GRAMD2B: variants seen among roughly 807,000 people sequenced by gnomAD.
The protein encoded by GRAMD2B is GRAM domain containing 2B.
A neutral mutation model predicts 59.2 loss-of-function variants in GRAMD2B; 41 were observed. That is an observed-to-expected ratio of 0.69 (90% confidence interval 0.54 to 0.90). The LOEUF is 0.90. GRAMD2B is among the 40% of genes least tolerant of loss of function. The pLI, the probability that GRAMD2B is intolerant of heterozygous loss-of-function variation, is 0.00. For synonymous variants in GRAMD2B, 161 were observed against 182.7 expected (o/e 0.88, Z 0.96); for missense variants, 424 against 500.5 (o/e 0.85, Z 1.46).
intron 1 of GRAMD2B, among the ~76,000 whole-genome samples, chr5:126,461,938 A>AAGTGGGTTGGAGATGGG (rs1767445966): frequency 6.6e-6 from 1 of 152,258 alleles, no homozygotes; most frequent in African/African-American, 2.4e-5. Flanking sequence ...CTGATGCTTA[A>AAGTGGGTTGGAGATGGG]AGTGGGTTGG....
intron 1 of GRAMD2B, among the ~76,000 whole-genome samples, chr5:126,377,202 C>T (rs996560147): frequency 2.7e-5 from 4 of 149,888 alleles, no homozygotes; most frequent in African/African-American, 9.9e-5. Flanking sequence ...TCAAGATGCA[C>T]CTGGAAGGTC....
At chr5:126,479,753 C>T (rs926297617) in intron 6 of GRAMD2B, among the ~76,000 whole-genome samples, 27 of 152,152 alleles carry the variant, frequency 1.8e-4, no homozygotes, top group Admixed American at 8.5e-4. Flanking sequence ...TAATCACAAA[C>T]TCATGGAAAG....
chr5:126,469,127 A>G (rs552831324), intron 2 of GRAMD2B, among the ~76,000 whole-genome samples: 1 of 152,260 alleles, frequency 6.6e-6, no homozygotes, highest in African/African-American at 2.4e-5. Context: ...TGATGTAATT[A>G]TTTTCACAAC....
rs550806617 is a variant in GRAMD2B at position 126,465,237 on chromosome 5, C to A, written c.84-189C>A. The A allele has an allele frequency of 3.9e-5, 56 of 1,433,288 alleles. No homozygotes were observed. In the East Asian group the frequency reaches 1.2e-3, roughly 31 times the overall value. The allele number at this position is 1,433,288 out of a possible 1,614,324, so 88.8% of individuals were successfully genotyped here. ...GTGAAACAGGTGCGACCTGCAGCTA[C>A]TGCCGTTGGGACACCAGGCAAGGGG... On this transcript the variant is annotated intron_variant, in intron 1 of 13. Transcript: ENST00000285689.
At chr5:126,452,335 C>T (rs1260357071) in intron 1 of GRAMD2B, among the ~76,000 whole-genome samples, 1 of 152,104 alleles carries the variant, frequency 6.6e-6, no homozygotes, top group Non-Finnish European at 1.5e-5. Context: ...ATAATCTAAT[C>T]ACCTCCCAAA....
chr5:126,427,736 G>C (rs1760860093), intron 1 of GRAMD2B, among the ~76,000 whole-genome samples: 1 of 152,186 alleles, frequency 6.6e-6, no homozygotes, highest in South Asian at 2.1e-4. Context: ...GCATGTTGGA[G>C]TACTTGACAA....
At chr5:126,422,933 C>A (rs933621997), upstream of GRAMD2B, among the ~76,000 whole-genome samples, 1 of 143,026 alleles carries the variant, frequency 7.0e-6, no homozygotes, top group African/African-American at 2.7e-5. Flanking sequence ...CACCCCAGAA[C>A]GATGAAGGGT....
chr5:126,489,250 A>G (rs931664339), intron 13 of GRAMD2B, among the ~76,000 whole-genome samples: 1 of 152,244 alleles, frequency 6.6e-6, no homozygotes, highest in Non-Finnish European at 1.5e-5. Context: ...TGGCTTGGCC[A>G]GAAAGTACAG....
intron 2 of GRAMD2B, among the ~76,000 whole-genome samples, chr5:126,467,281 TATTA>T (rs781679378): frequency 2.0e-4 from 30 of 152,146 alleles, no homozygotes; most frequent in East Asian, 1.5e-3. Flanking sequence ...ATATAAAAAT[TATTA>T]ATTAATAATT....
At chr5:126,478,566 C>T (rs1316357758) in intron 6 of GRAMD2B, among the ~76,000 whole-genome samples, 1 of 152,222 alleles carries the variant, frequency 6.6e-6, no homozygotes, top group East Asian at 1.9e-4. Flanking sequence ...CATGGTGAAA[C>T]CCTCTGTCTT....
At chr5:126,439,982 C>A (rs183059055) in intron 1 of GRAMD2B, among the ~76,000 whole-genome samples, 1 of 152,114 alleles carries the variant, frequency 6.6e-6, no homozygotes, top group Non-Finnish European at 1.5e-5. Flanking sequence ...GATTGTGAGG[C>A]CTCCGCAGTC....
At chr5:126,436,785 A>G (rs1762479269) in intron 1 of GRAMD2B, among the ~76,000 whole-genome samples, 1 of 152,204 alleles carries the variant, frequency 6.6e-6, no homozygotes, top group Admixed American at 6.5e-5. Flanking sequence ...CTAGCCCAGC[A>G]TGGGGATTGA....
At chr5:126,403,303 T>C (rs944818311) in intron 1 of GRAMD2B, among the ~76,000 whole-genome samples, 2 of 152,042 alleles carry the variant, frequency 1.3e-5, no homozygotes, top group Non-Finnish European at 2.9e-5. Context: ...TTGCAATATG[T>C]GATAAACTCA....
chr5:126,391,855 T>C (rs1202931608), intron 1 of GRAMD2B, among the ~76,000 whole-genome samples: 2 of 152,214 alleles, frequency 1.3e-5, no homozygotes, highest in Non-Finnish European at 2.9e-5. Context: ...TTTGTGGTAC[T>C]AAAATCACCC....
chr5:126,436,925 C>T (rs1023313592), intron 1 of GRAMD2B, among the ~76,000 whole-genome samples: 1 of 152,142 alleles, frequency 6.6e-6, no homozygotes, highest in Non-Finnish European at 1.5e-5. Flanking sequence ...AAATAAGACA[C>T]AGTGATGTGA....
chr5:126,388,033 C>T (rs1440541459), intron 1 of GRAMD2B, among the ~76,000 whole-genome samples: 1 of 152,100 alleles, frequency 6.6e-6, no homozygotes, highest in African/African-American at 2.4e-5. Flanking sequence ...ACTTCAGGCC[C>T]TACAAAACTG....
chr5:126,408,908 C>A (rs989826515), intron 1 of GRAMD2B, among the ~76,000 whole-genome samples: 2 of 141,606 alleles, frequency 1.4e-5, no homozygotes, highest in African/African-American at 5.2e-5. Context: ...TCTCATTGTT[C>A]AATTCCCACC....
rs1222524618 is a variant in GRAMD2B, at chr5:126,488,795, A to G, written c.1164-4A>G. On this transcript the variant is annotated splice_region_variant and splice_polypyrimidine_tract_variant and intron_variant, in intron 12 of 13. Coordinates refer to ENST00000285689, the MANE Select transcript of GRAMD2B (RefSeq NM_023927.4). Reference sequence around the variant, plus strand: ...CATAATAATTTTTCTCTTTTTTCTTACAGACAGGCAGCACCATCTGGCCTG... The same window carrying G: ...CATAATAATTTTTCTCTTTTTTCTTGCAGACAGGCAGCACCATCTGGCCTG... The G allele has an allele frequency of 6.2e-7, 1 of 1,608,248 alleles. No homozygotes were observed. The highest frequency in any genetic ancestry group is 8.5e-7 in the Non-Finnish European group (1 of 1,176,118).
At chr5:126,427,892 CTCTA>C (rs970033468) in intron 1 of GRAMD2B, among the ~76,000 whole-genome samples, 4 of 152,146 alleles carry the variant, frequency 2.6e-5, no homozygotes, top group Admixed American at 1.3e-4. Flanking sequence ...AAGATTATCT[CTCTA>C]TCTATGTATG....
Sources: allele counts gnomAD v4.1 joint callset (sites outside exome capture counted in the v4.1 genomes callset), GRCh38; gene constraint gnomAD v4.1.1; transcripts MANE v1.5; gene names NCBI Gene and HGNC (gene_info 2026-07-23, HGNC 2026-07-21).